The following FBXO8 variants were observed in gnomAD, a reference collection of about 807,000 sequenced individuals.
FBXO8 encodes F-box protein 8, also known as F-box only protein 8.
In FBXO8, 15 loss-of-function variants were observed where a neutral mutation model predicts 33.4. That is an observed-to-expected ratio of 0.45 (90% CI 0.30 to 0.69). The LOEUF (loss-of-function observed/expected upper bound fraction) is 0.69, where lower values mean the gene tolerates loss of function less well. FBXO8 is among the 30% of genes least tolerant of loss of function. The pLI is 0.08. For missense variants in FBXO8, 274 were observed against 380.3 expected (o/e 0.72, Z 2.32); for synonymous variants, 132 against 131.5 (o/e 1.00, Z -0.02).
chr4:174,266,253 A>G (rs72702242), intron 1 of FBXO8, among the ~76,000 whole-genome samples: 12,150 of 152,212 alleles, frequency 0.08, 527 homozygotes, highest in Non-Finnish European at 0.1. Context: ...TTAAAAAATA[A>G]TAATAATAAT....
intron 1 of FBXO8, among the ~76,000 whole-genome samples, chr4:174,268,612 T>G (rs1256489674): frequency 2.6e-4 from 1 of 3,836 alleles, no homozygotes; most frequent in East Asian, 0.011. Flanking sequence ...ATTTTTTGTA[T>G]TTTTTAGTAG....
In FBXO8 at chr4:174,252,840, A is replaced by G. The variant is rs910447916; in HGVS notation, c.456+6859T>C. Among the ~76,000 whole-genome samples the G allele has an allele frequency of 2.0e-5, 3 of 151,988 alleles. No homozygotes were observed. Among genetic ancestry groups the G allele is most frequent in the African/African-American group, 7.3e-5 (3 of 41,378 alleles). Reference sequence around the variant, plus strand: ...AAAAATATTAGCCAGGTGTGGTGGCATGCACCTGTAATCCCAGCTACTCCA... The same window carrying G: ...AAAAATATTAGCCAGGTGTGGTGGCGTGCACCTGTAATCCCAGCTACTCCA... On this transcript the variant is annotated intron_variant, in intron 3 of 5. Coordinates refer to ENST00000393674, the MANE Select transcript of FBXO8 (RefSeq NM_012180.3). This position sits in a 1 kb window ranked among gnomAD's most constrained non-coding sequence, Gnocchi z 5.1.
chr4:174,263,033 A>G lies in FBXO8; in HGVS notation c.60T>C (p.Ser20=). ...GCTCTCTGGTGAGGTAGCCTTGCTC[A>G]CTGTAGCCTTCTTGTTGCAGCTGCT... ...RNQQLQQEGY[S]EQGYLTREQS... Residue 20 remains serine, a synonymous_variant, in exon 2 of 6, where the codon AGT becomes AGC. Coordinates refer to ENST00000393674, the MANE Select transcript of FBXO8 (RefSeq NM_012180.3). This position sits in a 1 kb window ranked among gnomAD's most constrained non-coding sequence, Gnocchi z 4.2. 1 of 1,613,926 alleles carries G rather than the reference A, an allele frequency of 6.2e-7. No homozygotes were observed. Among genetic ancestry groups the G allele is most frequent in the African/African-American group, 1.3e-5 (1 of 74,986 alleles).
In FBXO8 at chr4:174,270,398, C is replaced by T. The variant is rs1412701457; in HGVS notation, c.-8-7298G>A. Among the ~76,000 whole-genome samples the T allele has an allele frequency of 1.3e-5, 2 of 152,136 alleles. No homozygotes were observed. Among genetic ancestry groups the T allele is most frequent in the East Asian group, 3.9e-4 (2 of 5,180 alleles). On this transcript the variant is annotated intron_variant, in intron 1 of 5. Transcript: ENST00000393674. The surrounding 1 kb of genome is among the most constrained non-coding windows in gnomAD (Gnocchi z 4.6). ...TTATCTAGAAGACTGCATAAAGTTT[C>T]CTACTTAGCTAAAGGTCCTTTTATA... is the stretch of plus-strand genomic sequence containing the variant.
In FBXO8 at chr4:174,247,587, A is replaced by G. The variant is rs1736189063; in HGVS notation, c.457-6369T>C. Among the ~76,000 whole-genome samples the G allele has an allele frequency of 6.6e-6, 1 of 152,056 alleles. No homozygotes were observed. Among genetic ancestry groups the G allele is most frequent in the African/African-American group, 2.4e-5 (1 of 41,438 alleles). On this transcript the variant is annotated intron_variant, in intron 3 of 5. Coordinates refer to ENST00000393674, the MANE Select transcript of FBXO8 (RefSeq NM_012180.3). The surrounding 1 kb of genome is among the most constrained non-coding windows in gnomAD (Gnocchi z 4.6). ...CTTTTCTTTCAACATGATAACCAAT[A>G]TATTATTTTTCAAGTATACATTTTA...
In FBXO8 at chr4:174,283,031, C is replaced by T. The variant is rs1009742570; in HGVS notation, c.-9+379G>A. ...CATATTACTGGAAAGTGGTAAAGAA[C>T]CAAAAACTGTCTAGGAACCAAAATA... On this transcript the variant is annotated intron_variant, in intron 1 of 5. Transcript: ENST00000393674. This position sits in a 1 kb window ranked among gnomAD's most constrained non-coding sequence, Gnocchi z 6.7. Among the ~76,000 whole-genome samples, 3 of 152,166 alleles carry T rather than the reference C, an allele frequency of 2.0e-5. No homozygotes were observed. The highest frequency in any genetic ancestry group is 4.4e-5 in the Non-Finnish European group (3 of 68,022).
intron 3 of FBXO8, among the ~76,000 whole-genome samples, chr4:174,243,346 G>C (rs928509733): frequency 2.0e-5 from 3 of 151,124 alleles, no homozygotes; most frequent in Non-Finnish European, 4.5e-5. Flanking sequence ...GAGGCATCAG[G>C]TTCAAGCTTG....
At chr4:174,258,702 G>A (rs1736471969) in intron 3 of FBXO8, among the ~76,000 whole-genome samples, 1 of 151,800 alleles carries the variant, frequency 6.6e-6, no homozygotes, top group African/African-American at 2.4e-5. Context: ...CCATACATAA[G>A]TAAAAATCAA....
chr4:174,280,587 G>C (rs1356471991), intron 1 of FBXO8, among the ~76,000 whole-genome samples: 2 of 152,108 alleles, frequency 1.3e-5, no homozygotes, highest in South Asian at 2.1e-4. Context: ...AAGCAACCCA[G>C]GTGTCCAATA....
At chr4:174,248,315 A>T (rs1030823292) in intron 3 of FBXO8, among the ~76,000 whole-genome samples, 3 of 152,054 alleles carry the variant, frequency 2.0e-5, no homozygotes, top group African/African-American at 7.2e-5. Flanking sequence ...CAAAGACTAA[A>T]GTAAAATCTA....
In FBXO8 at chr4:174,267,755, A is replaced by C. The variant is rs950112080; in HGVS notation, c.-8-4655T>G. On this transcript the variant is annotated intron_variant, in intron 1 of 5. Transcript: ENST00000393674. This position sits in a 1 kb window ranked among gnomAD's most constrained non-coding sequence, Gnocchi z 4.7. ...AAGTTTTAATAATATCTTGGTATAA[A>C]GATTTTAAAACTGAAACATAATATT... is the stretch of plus-strand genomic sequence containing the variant. Among the ~76,000 whole-genome samples, 1 of 152,210 alleles carries C rather than the reference A, an allele frequency of 6.6e-6. No homozygotes were observed. The highest frequency in any genetic ancestry group is 1.5e-5 in the Non-Finnish European group (1 of 68,040).
At position 174,262,753 on chromosome 4, in the gene FBXO8, G is replaced by A. The variant is rs1325700499; in HGVS notation, c.329+11C>T. 2 of 1,610,738 alleles carry A rather than the reference G, an allele frequency of 1.2e-6. No individual in the cohort carries two copies. Among genetic ancestry groups the A allele is most frequent in the Admixed American group, 3.3e-5 (2 of 59,788 alleles). On this transcript the variant is annotated intron_variant, in intron 2 of 5. Transcript: ENST00000393674. This position sits in a 1 kb window ranked among gnomAD's most constrained non-coding sequence, Gnocchi z 4.6. Reference sequence around the variant, plus strand: ...AGATACCTGAATTCAACTTTGGTGGGTTTAACTTACCCTTGCCAGAGAAGT... The same window carrying A: ...AGATACCTGAATTCAACTTTGGTGGATTTAACTTACCCTTGCCAGAGAAGT...
At chr4:174,264,485 C>T (rs1336942603) in intron 1 of FBXO8, among the ~76,000 whole-genome samples, 1 of 152,024 alleles carries the variant, frequency 6.6e-6, no homozygotes, top group Non-Finnish European at 1.5e-5. Flanking sequence ...CATTTATTTA[C>T]TAAACCATTG....
intron 1 of FBXO8, among the ~76,000 whole-genome samples, chr4:174,266,388 T>C (rs570755757): frequency 1.2e-4 from 19 of 152,348 alleles, no homozygotes; most frequent in Admixed American, 9.8e-4. Flanking sequence ...CTTGGGACTT[T>C]CGTTTCCCTT....
Position 174,261,042 on chromosome 4 carries a change from A to G in FBXO8, c.330-1217T>C, listed in dbSNP as rs1162332415. 6.6e-6 allele frequency among the ~76,000 whole-genome samples: 1 copy of G among 151,990 alleles called. No homozygotes were observed. The highest frequency in any genetic ancestry group is 1.5e-5 in the Non-Finnish European group (1 of 67,864). On this transcript the variant is annotated intron_variant, in intron 2 of 5. Coordinates refer to ENST00000393674, the MANE Select transcript of FBXO8 (RefSeq NM_012180.3). This position sits in a 1 kb window ranked among gnomAD's most constrained non-coding sequence, Gnocchi z 4.1. ...GGGGTAAAATATCTAATTTAACATG[A>G]GACTACCCTCTTAGTAGTTGATTTA...
At chr4:174,248,047 G>A (rs538653029) in intron 3 of FBXO8, among the ~76,000 whole-genome samples, 19 of 152,084 alleles carry the variant, frequency 1.2e-4, no homozygotes, top group African/African-American at 3.9e-4. Context: ...TCAACACCTT[G>A]CTTTTTGGCT....
At position 174,241,222 on chromosome 4, in the gene FBXO8, A is replaced by G; in HGVS notation, c.457-4T>C. 5.2e-6 allele frequency: 8 copies of G among 1,542,568 alleles called. No individual in the cohort carries two copies. The highest frequency in any genetic ancestry group is 6.2e-6 in the Non-Finnish European group (7 of 1,125,012). On this transcript the variant is annotated splice_polypyrimidine_tract_variant and splice_region_variant and intron_variant, in intron 3 of 5. Transcript: ENST00000393674. The surrounding 1 kb of genome is among the most constrained non-coding windows in gnomAD (Gnocchi z 4.2). ...TGGACATAAAGTAGTTCACTCCCTA[A>G]GGCAGAAAGACAAGTCTACATAAAT...
Position 174,272,421 on chromosome 4 carries a change from T to C in FBXO8, c.-8-9321A>G, listed in dbSNP as rs1331609169. ...ATTCTAAAATTTGTATTATTATTTA[T>C]TGTTGTACTGTTACTTTCTATTTTT... On this transcript the variant is annotated intron_variant, in intron 1 of 5. Coordinates refer to ENST00000393674, the MANE Select transcript of FBXO8 (RefSeq NM_012180.3). This position sits in a 1 kb window ranked among gnomAD's most constrained non-coding sequence, Gnocchi z 4.7. 1.3e-5 allele frequency among the ~76,000 whole-genome samples: 2 copies of C among 152,260 alleles called. No homozygotes were observed. Among genetic ancestry groups the C allele is most frequent in the Admixed American group, 1.3e-4 (2 of 15,288 alleles).
rs1035065803 is a variant in FBXO8 at position 174,278,429 on chromosome 4, A to C, written c.-9+4981T>G. 3.3e-5 allele frequency among the ~76,000 whole-genome samples: 5 copies of C among 152,106 alleles called. No homozygotes were observed. The highest frequency in any genetic ancestry group is 7.4e-5 in the Non-Finnish European group (5 of 67,950). Reference sequence around the variant, plus strand: ...AAAAGTGTTACCAAAATGGCAACTAAATAAATGTAAAAATTAAGATGTGTT... The same window carrying C: ...AAAAGTGTTACCAAAATGGCAACTACATAAATGTAAAAATTAAGATGTGTT... On this transcript the variant is annotated intron_variant, in intron 1 of 5. Coordinates refer to ENST00000393674, the MANE Select transcript of FBXO8 (RefSeq NM_012180.3). The surrounding 1 kb of genome is among the most constrained non-coding windows in gnomAD (Gnocchi z 4.1).
Sources: allele counts gnomAD v4.1 joint callset (sites outside exome capture counted in the v4.1 genomes callset), GRCh38; gene constraint gnomAD v4.1.1; non-coding constraint Gnocchi (gnomAD v3.1); transcripts MANE v1.5; gene names NCBI Gene and HGNC (gene_info 2026-07-23, HGNC 2026-07-21).